The following CENPO variants were observed in gnomAD, a reference collection of about 807,000 sequenced individuals.
CENPO encodes centromeric protein O.
Under a neutral mutation model 36.1 loss-of-function variants are expected in CENPO, and 30 were observed. The ratio of observed to expected loss-of-function variants is 0.83; its 90% CI spans 0.62 to 1.13. CENPO has a LOEUF of 1.13. Ranked by LOEUF, CENPO falls within the 50% of genes most tolerant of loss-of-function variation. The pLI, the probability that CENPO is intolerant of heterozygous loss-of-function variation, is 0.00. For synonymous variants in CENPO, 171 were observed against 142.3 expected, an observed-to-expected ratio of 1.20 and a Z score of -1.44; for missense variants, 349 against 357.8, an observed-to-expected ratio of 0.98 and a Z score of 0.20.
intron 7 of CENPO, 149 bp from the exon 8 acceptor site, chr2:24,819,205 G>GTTCTT (rs1205483364): frequency 5.9e-5 from 9 of 152,592 alleles, no homozygotes; most frequent in Admixed American, 4.6e-4. Context: ...AAACAGTCTT[G>GTTCTT]TTCTTTATCA....
rs1388663770 is a variant in CENPO at position 24,820,376 on chromosome 2, ACT to A, written c.*1059_*1060del. On this transcript the variant is annotated 3_prime_UTR_variant, in exon 8 of 8. Coordinates refer to ENST00000380834, the MANE Select transcript of CENPO (RefSeq NM_001322101.2). ...TGGCCATGGTCACCTGGGTGGCAGC[ACT>A]GTTACCTGGAAACTGCCACTGCCTG... 1 of 1,319,666 alleles carries A rather than the reference ACT, an allele frequency of 7.6e-7. No individual in the cohort carries two copies. The highest frequency in any genetic ancestry group is 2.2e-5 in the South Asian group (1 of 44,492). The allele number at this position is 1,319,666 out of a possible 1,614,324, so 81.7% of individuals were successfully genotyped here. A position where few individuals can be genotyped will look rare whatever the true frequency, so the allele number is the denominator to read the frequency against.
chr2:24,793,452 T>G lies in CENPO; in HGVS notation c.-118T>G. The G allele has an allele frequency of 6.2e-7, 1 of 1,605,534 alleles. No individual in the cohort carries two copies. Among genetic ancestry groups the G allele is most frequent in the Non-Finnish European group, 8.5e-7 (1 of 1,175,666 alleles). On this transcript the variant is annotated 5_prime_UTR_variant, in exon 1 of 8. Transcript: ENST00000380834. ...GATCGCAAAGCACGCCGGGACCGGTTGGTTTGGTTTTGAAGACGTGGATGG... is the reference window on the plus strand; with the variant it reads ...GATCGCAAAGCACGCCGGGACCGGTGGGTTTGGTTTTGAAGACGTGGATGG...
chr2:24,804,989 A>G (rs4665722), intron 3 of CENPO, among the ~76,000 whole-genome samples: 76,856 of 149,838 alleles, frequency 0.51, 20,966 homozygotes, highest in East Asian at 0.77. Flanking sequence ...TGGTCTTTTC[A>G]CATAGTCCCA....
rs2148350139 is a variant in CENPO, at chr2:24,821,873, G to A, written c.*2555G>A. On this transcript the variant is annotated 3_prime_UTR_variant, in exon 8 of 8. Coordinates refer to ENST00000380834, the MANE Select transcript of CENPO (RefSeq NM_001322101.2). ...GCAATTGAGCAGAGGAGACGGACCT[G>A]TGAGTCTGACCACGAGGCGGACCCC... 1 of 521,906 alleles carries A rather than the reference G, an allele frequency of 1.9e-6. No homozygotes were observed. The allele number at this position is 521,906 out of a possible 1,614,324, so 32.3% of individuals were successfully genotyped here. A position where few individuals can be genotyped will look rare whatever the true frequency, so the allele number is the denominator to read the frequency against.
chr2:24,812,493 A>G (rs1280156016), intron 3 of CENPO, among the ~76,000 whole-genome samples: 1 of 151,782 alleles, frequency 6.6e-6, no homozygotes, highest in Non-Finnish European at 1.5e-5. Flanking sequence ...TAAATAGTGC[A>G]TCTTCTCAGT....
intron 7 of CENPO, among the ~76,000 whole-genome samples, chr2:24,818,744 GTAA>G (rs1667095006): frequency 6.6e-6 from 1 of 152,180 alleles, no homozygotes; most frequent in Non-Finnish European, 1.5e-5. Context: ...CTGATTTGCC[GTAA>G]CCACGGGCCT....
chr2:24,814,564 T>C, intron 4 of CENPO, 71 bp downstream of exon 4: 1 of 781,068 alleles, frequency 1.3e-6, no homozygotes, highest in South Asian at 1.4e-5. Flanking sequence ...AGATGTGTTA[T>C]CAGTCCTGGA....
At chr2:24,797,539 A>G (rs1665959678) in intron 2 of CENPO, among the ~76,000 whole-genome samples, 2 of 152,302 alleles carry the variant, frequency 1.3e-5, no homozygotes, top group South Asian at 2.1e-4. Context: ...TTCAGCATTT[A>G]ATGGTCAAGG....
At chr2:24,805,181 T>G (rs1461949629) in intron 3 of CENPO, among the ~76,000 whole-genome samples, 2 of 152,146 alleles carry the variant, frequency 1.3e-5, no homozygotes, top group Non-Finnish European at 2.9e-5. Flanking sequence ...CTCCATCAGG[T>G]CCTTTAAGGA....
Position 24,815,750 on chromosome 2 carries a change from G to A in CENPO, c.588G>A (p.Arg196=). The change falls in exon 5 of 8, where the codon CGG becomes CGA. Residue 196 remains arginine, a synonymous_variant. Transcript: ENST00000380834. ...CTGGGAGGAAGTACCAGGCAGACCG[G>A]CTTCAGGTATCTCTCTGGGATGTTA... ...AYSGRKYQAD[R]LQSDFAALLT... The A allele has an allele frequency of 3.7e-6, 6 of 1,614,122 alleles. No individual in the cohort carries two copies. The highest frequency in any genetic ancestry group is 5.1e-6 in the Non-Finnish European group (6 of 1,179,956).
chr2:24,820,341 T>G lies in CENPO; in HGVS notation c.*1023T>G. The stretch of plus-strand genomic sequence containing the variant: ...GGGCCTCCTCTCATCCAGAGACTTC[T>G]CTCCTAGGATGGCCATGGTCACCTG... On this transcript the variant is annotated 3_prime_UTR_variant, in exon 8 of 8. Transcript: ENST00000380834. 1 of 1,327,798 alleles carries G rather than the reference T, an allele frequency of 7.5e-7. No homozygotes were observed. The highest frequency in any genetic ancestry group is 9.6e-7 in the Non-Finnish European group (1 of 1,043,494). The allele number at this position is 1,327,798 out of a possible 1,614,324, so 82.3% of individuals were successfully genotyped here. A position where few individuals can be genotyped will look rare whatever the true frequency, so the allele number is the denominator to read the frequency against.
chr2:24,796,164 G>C (rs1665889972), intron 2 of CENPO, among the ~76,000 whole-genome samples: 1 of 151,928 alleles, frequency 6.6e-6, no homozygotes, highest in African/African-American at 2.4e-5. Context: ...GACCAGTCTG[G>C]CTAACATAGT....
Position 24,793,481 on chromosome 2 carries a change from G to C in CENPO, c.-89G>C, listed in dbSNP as rs201704717. 2.1e-3 allele frequency: 3,286 copies of C among 1,602,782 alleles called. 8 individuals are homozygous for C. The highest frequency in any genetic ancestry group is 2.5e-3 in the Non-Finnish European group (2,931 of 1,174,308). Reference sequence around the variant, plus strand: ...TTGGTTTTGAAGACGTGGATGGCGGGAATTCTCGCTTCTGGCCTGGGTGAG... The same window carrying C: ...TTGGTTTTGAAGACGTGGATGGCGGCAATTCTCGCTTCTGGCCTGGGTGAG... On this transcript the variant is annotated 5_prime_UTR_variant, in exon 1 of 8. Transcript: ENST00000380834.
At chr2:24,794,357 T>C (rs1050120771) in intron 2 of CENPO, among the ~76,000 whole-genome samples, 1 of 152,236 alleles carries the variant, frequency 6.6e-6, no homozygotes, top group Non-Finnish European at 1.5e-5. Context: ...GGCTCTGCCA[T>C]GATAAATATT....
At chr2:24,800,531 G>A (rs1666115159) in intron 3 of CENPO, among the ~76,000 whole-genome samples, 1 of 131,850 alleles carries the variant, frequency 7.6e-6, no homozygotes, top group Admixed American at 9.6e-5. Flanking sequence ...CTGTGTCCAT[G>A]TGTTCTCAGT....
intron 5 of CENPO, 53 bp downstream of exon 5, chr2:24,815,809 AAGGGGG>A: frequency 6.4e-7 from 1 of 1,552,634 alleles, no homozygotes; most frequent in South Asian, 1.2e-5. Context: ...ATCAACTTAA[AAGGGGG>A]ATGTTTTTTG....
At chr2:24,811,886 G>A (rs759794485) in intron 3 of CENPO, among the ~76,000 whole-genome samples, 5 of 152,166 alleles carry the variant, frequency 3.3e-5, no homozygotes, top group Non-Finnish European at 5.9e-5. Flanking sequence ...GTGAGCCACC[G>A]CGCCTGGCAA....
Position 24,816,833 on chromosome 2 carries a change from C to T in CENPO, c.766+16C>T, listed in dbSNP as rs1666956843. 1.3e-6 allele frequency: 2 copies of T among 1,572,310 alleles called. No individual in the cohort carries two copies. The highest frequency in any genetic ancestry group is 3.8e-5 in the Admixed American group (2 of 52,988). ...ACATGTCAAGGTAAGAAGGGTGCCTCAGTGCAGAAATTCTCATATCCCAGT... is the reference window on the plus strand; with the variant it reads ...ACATGTCAAGGTAAGAAGGGTGCCTTAGTGCAGAAATTCTCATATCCCAGT... On this transcript the variant is annotated intron_variant, in intron 6 of 7. Transcript: ENST00000380834.
At chr2:24,804,990 C>T (rs1219604986) in intron 3 of CENPO, among the ~76,000 whole-genome samples, 9 of 152,206 alleles carry the variant, frequency 5.9e-5, no homozygotes, top group Non-Finnish European at 1.0e-4. Context: ...GGTCTTTTCA[C>T]ATAGTCCCAT....
Sources: allele counts gnomAD v4.1 joint callset (sites outside exome capture counted in the v4.1 genomes callset), GRCh38; gene constraint gnomAD v4.1.1; transcripts MANE v1.5; gene names NCBI Gene and HGNC (gene_info 2026-07-23, HGNC 2026-07-21).